The following ABLIM1 variants were observed in gnomAD, a reference collection of about 807,000 sequenced individuals.
ABLIM1 encodes actin binding LIM protein 1.
ABLIM1 carries 40 observed loss-of-function variants against 107.0 expected under a neutral mutation model. The ratio of observed to expected loss-of-function variants is 0.37; its 90% CI spans 0.29 to 0.49. The LOEUF is 0.49. Among genes scored for constraint, ABLIM1 ranks in the 20% least tolerant of loss-of-function variants. ABLIM1 has a pLI of 0.97. For synonymous variants in ABLIM1, 357 were observed against 357.3 expected (o/e 1.00, Z 0.01); for missense variants, 857 against 1,008.5 (o/e 0.85, Z 2.04).
chr10:114,456,535 C>A (rs2062852491), intron 12 of ABLIM1, among the ~76,000 whole-genome samples: 1 of 152,216 alleles, frequency 6.6e-6, no homozygotes, highest in South Asian at 2.1e-4. Flanking sequence ...TAGACCTCCA[C>A]TGTCCTTGCA....
At position 114,609,334 on chromosome 10, in the gene ABLIM1, G is replaced by T. The variant is rs138091882; in HGVS notation, c.245-7373C>A. Among the ~76,000 whole-genome samples, 907 of 152,248 alleles carry T rather than the reference G, an allele frequency of 6.0e-3. 8 individuals carry two copies. The highest frequency in any genetic ancestry group is 0.02 in the African/African-American group (841 of 41,538). ...TCCCACTGTAACCTCACTTGCTGTG[G>T]TTTCTCTTCTCCCCATCTGTCTAAA... On this transcript the variant is annotated intron_variant, in intron 1 of 22. Coordinates refer to ENST00000533213, the MANE Select transcript of ABLIM1 (RefSeq NM_002313.7).
intron 6 of ABLIM1, among the ~76,000 whole-genome samples, chr10:114,497,182 A>G (rs1467442413): frequency 6.6e-6 from 1 of 152,234 alleles, no homozygotes; most frequent in Admixed American, 6.5e-5. Context: ...GCTGTTGACT[A>G]TAAACTTTTA....
rs376273504 is a variant in ABLIM1, at chr10:114,633,216, G to A, written c.244+24741C>T. The stretch of plus-strand genomic sequence containing the variant: ...ATTGTAACATGTTGAGTCTAAGAGA[G>A]CCAGGGGAACCGAAAGGAATGAAGT... On this transcript the variant is annotated intron_variant, in intron 1 of 22. Coordinates refer to ENST00000533213, the MANE Select transcript of ABLIM1 (RefSeq NM_002313.7). Among the ~76,000 whole-genome samples, 14 of 152,312 alleles carry A rather than the reference G, an allele frequency of 9.2e-5. No homozygotes were observed. The East Asian group carries it at 2.1e-3, about 23-fold the overall frequency.
intron 1 of ABLIM1, chr10:114,632,531 G>A (rs984299547): frequency 2.0e-6 from 2 of 985,176 alleles, no homozygotes; most frequent in Non-Finnish European, 2.4e-6. Flanking sequence ...GCAATTTCAA[G>A]TTCACTTTCT....
At chr10:114,550,333 A>G (rs2067899887) in intron 4 of ABLIM1, among the ~76,000 whole-genome samples, 3 of 151,982 alleles carry the variant, frequency 2.0e-5, no homozygotes, top group Admixed American at 2.0e-4. Flanking sequence ...TAAAAATATA[A>G]TTTTTAAAGT....
chr10:114,721,411 C>A (rs929170844), intron 1 of ABLIM1, among the ~76,000 whole-genome samples: 1 of 152,128 alleles, frequency 6.6e-6, no homozygotes, highest in African/African-American at 2.4e-5. Flanking sequence ...CTGCTGTTCC[C>A]AGACATATCA....
intron 6 of ABLIM1, among the ~76,000 whole-genome samples, chr10:114,500,162 G>A (rs551519201): frequency 6.6e-6 from 1 of 152,318 alleles, no homozygotes; most frequent in Non-Finnish European, 1.5e-5. Flanking sequence ...CGAGGCTTCT[G>A]AGCTCACAAA....
In ABLIM1 at chr10:114,520,366, G is replaced by C. The variant is rs114820179; in HGVS notation, c.894+24639C>G. ...AGCACTTGGTTATATTAAAAATGTA[G>C]AAGAACTCTGTCAGGTTTAAAATTC... On this transcript the variant is annotated intron_variant, in intron 6 of 22. Transcript: ENST00000533213. 4.2e-3 allele frequency among the ~76,000 whole-genome samples: 646 copies of C among 152,214 alleles called. 4 individuals are homozygous for C. Among genetic ancestry groups the C allele is most frequent in the African/African-American group, 0.015 (615 of 41,548 alleles).
rs1162465946 is a variant in ABLIM1, at chr10:114,433,775, C to T, written c.*2485G>A. ...CTAATGTCCCCATTCTATGACAGACCCATGTCTTCTTTATGTAGACCAAGG... is the reference window on the plus strand; with the variant it reads ...CTAATGTCCCCATTCTATGACAGACTCATGTCTTCTTTATGTAGACCAAGG... On this transcript the variant is annotated 3_prime_UTR_variant, in exon 23 of 23. Coordinates refer to ENST00000533213, the MANE Select transcript of ABLIM1 (RefSeq NM_002313.7). The T allele has an allele frequency of 6.6e-6, 1 of 152,156 alleles. No homozygotes were observed. The highest frequency in any genetic ancestry group is 1.5e-5 in the Non-Finnish European group (1 of 68,040). The allele number at this position is 152,156 out of a possible 1,614,324, so 9.4% of individuals were successfully genotyped here. A position where few individuals can be genotyped will look rare whatever the true frequency, so the allele number is the denominator to read the frequency against.
At chr10:114,735,479 T>C (rs938803507) in intron 1 of ABLIM1, among the ~76,000 whole-genome samples, 1 of 152,224 alleles carries the variant, frequency 6.6e-6, no homozygotes, top group Non-Finnish European at 1.5e-5. Context: ...TTTGCTGTTG[T>C]TGTTGTTTTG....
the ABLIM1 span, among the ~76,000 whole-genome samples, chr10:114,777,139 G>C: frequency 1.3e-5 from 2 of 151,322 alleles, no homozygotes; most frequent in African/African-American, 2.4e-5. Context: ...GATTTTTTCT[G>C]TTTCAATTTG....
chr10:114,476,559 G>A (rs1222324334), intron 8 of ABLIM1, among the ~76,000 whole-genome samples: 1 of 151,636 alleles, frequency 6.6e-6, no homozygotes, highest in East Asian at 1.9e-4. Flanking sequence ...TAGGAGAATC[G>A]CTTGAACTTG....
intron 2 of ABLIM1, among the ~76,000 whole-genome samples, chr10:114,576,721 C>T (rs1053688290): frequency 6.6e-6 from 1 of 152,150 alleles, no homozygotes; most frequent in South Asian, 2.1e-4. Flanking sequence ...GGAAGACGTT[C>T]AAGGTGATCC....
At chr10:114,781,025 TGGTTGTTAGG>T in the ABLIM1 span, among the ~76,000 whole-genome samples, 5 of 152,190 alleles carry the variant, frequency 3.3e-5, no homozygotes, top group African/African-American at 1.2e-4. Context: ...GGTAGCCCCG[TGGTTGTTAGG>T]GGCAACAGAA....
At chr10:114,790,691 G>T in the ABLIM1 span, among the ~76,000 whole-genome samples, 1 of 152,156 alleles carries the variant, frequency 6.6e-6, no homozygotes, top group Non-Finnish European at 1.5e-5. Flanking sequence ...CAGAATTGAG[G>T]TTTCTCTAAG....
At chr10:114,455,809 C>T (rs911546124) in intron 12 of ABLIM1, among the ~76,000 whole-genome samples, 1 of 142,296 alleles carries the variant, frequency 7.0e-6, no homozygotes, top group Non-Finnish European at 1.5e-5. Flanking sequence ...CAGGAAACTG[C>T]AACTTTTTTT....
chr10:114,530,122 C>T (rs1358275945), intron 6 of ABLIM1, among the ~76,000 whole-genome samples: 1 of 152,148 alleles, frequency 6.6e-6, no homozygotes, highest in African/African-American at 2.4e-5. Context: ...ATGATGGTTG[C>T]ACAACTCTGT....
intron 1 of ABLIM1, among the ~76,000 whole-genome samples, chr10:114,681,047 A>C (rs2080725907): frequency 6.6e-6 from 1 of 152,110 alleles, no homozygotes; most frequent in South Asian, 2.1e-4. Context: ...AAAAATAAAG[A>C]TGTGGGTGGG....
intron 11 of ABLIM1, among the ~76,000 whole-genome samples, chr10:114,466,671 C>T (rs573810208): frequency 6.2e-4 from 95 of 152,292 alleles, no homozygotes; most frequent in African/African-American, 2.0e-3. Flanking sequence ...TAAATAAATT[C>T]TCCTGAATAA....
Sources: allele counts gnomAD v4.1 joint callset (sites outside exome capture counted in the v4.1 genomes callset), GRCh38; gene constraint gnomAD v4.1.1; transcripts MANE v1.5; gene names NCBI Gene and HGNC (gene_info 2026-07-23, HGNC 2026-07-21).